Variants in LRP1B observed in about 807,000 individuals in gnomAD.
LRP1B encodes low-density lipoprotein receptor-related protein 1B.
LRP1B carries 217 observed loss-of-function variants against 556.6 expected under a neutral mutation model. The ratio of observed to expected loss-of-function variants is 0.39; its 90% CI spans 0.35 to 0.44. The LOEUF (loss-of-function observed/expected upper bound fraction) is 0.44, where lower values mean the gene tolerates loss of function less well. Among genes scored for constraint, LRP1B ranks in the 20% least tolerant of loss-of-function variants. The pLI is 1.00. For missense variants in LRP1B, 5,053 were observed against 5,620.8 expected (o/e 0.90, Z 3.23); for synonymous variants, 2,047 against 1,865.8 (o/e 1.10, Z -2.50).
intron 29 of LRP1B, 59 bp from the exon 30 acceptor site, chr2:140,841,151 T>G (rs1692092560): frequency 1.9e-6 from 2 of 1,075,330 alleles, no homozygotes; most frequent in South Asian, 1.7e-5. Context: ...GTACTGGCTC[T>G]GCAAGTAGTT....
chr2:141,495,208 A>C (rs1683470398), intron 2 of LRP1B, among the ~76,000 whole-genome samples: 1 of 152,136 alleles, frequency 6.6e-6, no homozygotes, highest in Admixed American at 6.6e-5. Flanking sequence ...TCAGCTTTAC[A>C]ATGAATTCTG....
intron 41 of LRP1B, among the ~76,000 whole-genome samples, chr2:140,640,823 G>C (rs1467724694): frequency 1.3e-5 from 2 of 152,124 alleles, no homozygotes; most frequent in African/African-American, 4.8e-5. Context: ...AGGCCCATAA[G>C]AGAGCCTGAC....
intron 6 of LRP1B, among the ~76,000 whole-genome samples, chr2:141,193,237 T>C (rs932685523): frequency 6.6e-6 from 1 of 152,012 alleles, no homozygotes; most frequent in African/African-American, 2.4e-5. Context: ...ACTGTGTATA[T>C]ACCCAGAGGA....
At position 141,025,057 on chromosome 2, in the gene LRP1B, T is replaced by C. The variant is rs368402695; in HGVS notation, c.1790-4955A>G. 6.6e-5 allele frequency among the ~76,000 whole-genome samples: 10 copies of C among 152,222 alleles called. No homozygotes were observed. The East Asian group carries it at 1.9e-3, about 29-fold the overall frequency. On this transcript the variant is annotated intron_variant, in intron 11 of 90. Transcript: ENST00000389484. ...GACATGCAGAAATGTGAGAGATCCA[T>C]GGAGAAATGTCTCACAATAAAAGGT...
At chr2:141,236,039 A>T (rs1683637171) in intron 5 of LRP1B, among the ~76,000 whole-genome samples, 1 of 152,160 alleles carries the variant, frequency 6.6e-6, no homozygotes, top group African/African-American at 2.4e-5. Flanking sequence ...TCAAGTCAAA[A>T]ATAATATGTA....
chr2:141,284,250 T>A (rs1685619998), intron 3 of LRP1B, among the ~76,000 whole-genome samples: 2 of 152,136 alleles, frequency 1.3e-5, no homozygotes, highest in Non-Finnish European at 2.9e-5. Flanking sequence ...AATAAAGGAA[T>A]AAAGGAATAA....
chr2:140,614,233 G>A (rs1559006475), intron 41 of LRP1B, among the ~76,000 whole-genome samples: 2 of 151,862 alleles, frequency 1.3e-5, no homozygotes, highest in Non-Finnish European at 2.9e-5. Flanking sequence ...CTATTGCAAT[G>A]GCATATTATT....
chr2:140,926,721 G>A (rs557821988), intron 20 of LRP1B, among the ~76,000 whole-genome samples: 8 of 152,228 alleles, frequency 5.3e-5, no homozygotes, highest in African/African-American at 1.7e-4. Context: ...AACTTCATGA[G>A]TAGATTTTAG....
At chr2:140,328,122 TAAAGTGGAA>T (rs1680593401) in intron 79 of LRP1B, among the ~76,000 whole-genome samples, 2 of 151,888 alleles carry the variant, frequency 1.3e-5, no homozygotes, top group Non-Finnish European at 2.9e-5. Context: ...GAACCAATAA[TAAAGTGGAA>T]AAAAATCAAT....
intron 7 of LRP1B, among the ~76,000 whole-genome samples, chr2:141,074,101 G>A (rs764608274): frequency 1.3e-5 from 2 of 151,978 alleles, no homozygotes; most frequent in Non-Finnish European, 2.9e-5. Flanking sequence ...TCTCTCTCCA[G>A]TTTCACCTAG....
intron 66 of LRP1B, among the ~76,000 whole-genome samples, chr2:140,434,746 T>TA (rs1686099005): frequency 6.6e-6 from 1 of 152,180 alleles, no homozygotes. Context: ...CTCTGTTTAG[T>TA]ATACTCAGAT....
rs944365474 is a variant in LRP1B at position 141,769,327 on chromosome 2, C to T, written c.205+40952G>A. Among the ~76,000 whole-genome samples, 41 of 152,156 alleles carry T rather than the reference C, an allele frequency of 2.7e-4. 1 individual carries two copies. Among genetic ancestry groups the T allele is most frequent in the Admixed American group, 8.5e-4 (13 of 15,262 alleles). ...CTGTAATGCTAATCACAATTCCCAC[C>T]ATTAATGCCACTGTAATCCCTTGCA... On this transcript the variant is annotated intron_variant, in intron 2 of 90. Transcript: ENST00000389484.
chr2:140,650,353 A>G (rs1443151249), intron 41 of LRP1B, among the ~76,000 whole-genome samples: 1 of 121,110 alleles, frequency 8.3e-6, no homozygotes, highest in East Asian at 3.0e-4. Flanking sequence ...TTATTTATTT[A>G]TTTATTTATT....
intron 2 of LRP1B, among the ~76,000 whole-genome samples, chr2:141,739,872 T>C (rs1693631633): frequency 6.6e-6 from 1 of 152,126 alleles, no homozygotes; most frequent in Non-Finnish European, 1.5e-5. Flanking sequence ...AAAGCATAGT[T>C]CAAGACTTAT....
intron 37 of LRP1B, among the ~76,000 whole-genome samples, chr2:140,704,178 G>A (rs549765514): frequency 2.0e-5 from 3 of 152,090 alleles, no homozygotes; most frequent in East Asian, 3.9e-4. Flanking sequence ...TAATATATGT[G>A]AATAGTCACG....
At chr2:140,476,135 ATTAC>A (rs1687964892) in intron 59 of LRP1B, among the ~76,000 whole-genome samples, 1 of 152,210 alleles carries the variant, frequency 6.6e-6, no homozygotes, top group East Asian at 1.9e-4. Context: ...TAAGCGGCAG[ATTAC>A]TTAGACGTTT....
chr2:141,206,518 C>A (rs1188404965), intron 6 of LRP1B, among the ~76,000 whole-genome samples: 1 of 151,694 alleles, frequency 6.6e-6, no homozygotes, highest in South Asian at 2.1e-4. Flanking sequence ...ATACAGGAGG[C>A]GGAGCTTGCA....
intron 1 of LRP1B, among the ~76,000 whole-genome samples, chr2:142,023,826 T>C (rs1369557899): frequency 6.6e-6 from 1 of 151,928 alleles, no homozygotes; most frequent in East Asian, 2.0e-4. Context: ...TACTGTTTTG[T>C]GCCAGTCCAG....
intron 3 of LRP1B, among the ~76,000 whole-genome samples, chr2:141,422,566 T>A (rs187078419): frequency 6.6e-6 from 1 of 152,198 alleles, no homozygotes; most frequent in South Asian, 2.1e-4. Context: ...TCACAAAAAA[T>A]TATACACACA....
Sources: allele counts gnomAD v4.1 joint callset (sites outside exome capture counted in the v4.1 genomes callset), GRCh38; gene constraint gnomAD v4.1.1; transcripts MANE v1.5; gene names NCBI Gene and HGNC (gene_info 2026-07-23, HGNC 2026-07-21).